The following VCF2 variants were observed in gnomAD, a reference collection of about 807,000 sequenced individuals.
VCF2 encodes protein VCF2.
chrX:55,160,696 G>C, the VCF2 span: 232 of 593,584 alleles, frequency 3.9e-4, no homozygotes, highest in African/African-American at 5.2e-3. Flanking sequence ...CGTGGAGAAA[G>C]ATGACAAAAC....
Sources: gnomAD v4.1 joint callset for allele counts on GRCh38, gnomAD v4.1.1 for gene constraint, MANE v1.5 for transcripts, NCBI Gene and HGNC (gene_info 2026-07-23, HGNC 2026-07-21) for gene names.